TMED3: variants seen among roughly 807,000 people sequenced by gnomAD.
TMED3 encodes the protein transmembrane p24 trafficking protein 3.
In TMED3, 9 loss-of-function variants were observed where a neutral mutation model predicts 15.0. The ratio of observed to expected loss-of-function variants is 0.60; its 90% CI spans 0.36 to 1.04. The LOEUF is 1.04. Ranked by LOEUF, TMED3 falls within the 50% of genes least tolerant of loss-of-function variation. TMED3 has a pLI of 0.01. For synonymous variants in TMED3, 117 were observed against 121.4 expected, an observed-to-expected ratio of 0.96 and a Z score of 0.24; for missense variants, 267 against 278.9, an observed-to-expected ratio of 0.96 and a Z score of 0.30.
chr15:79,322,210 C>G lies in TMED3; in HGVS notation c.650C>G (p.Ser217Cys). 1.9e-6 allele frequency: 3 copies of G among 1,612,096 alleles called. No homozygotes were observed. Among genetic ancestry groups the G allele is most frequent in the Non-Finnish European group, 1.7e-6 (2 of 1,178,754 alleles). Residue 217 changes from serine (S) to cysteine (C), a missense_variant, in exon 3 of 3, where the codon TCC becomes TGC. Ser to Cys is a moderately radical substitution (Grantham distance 112). This residue lies in a region of TMED3 where 139 missense variants were observed against 125.0 expected (regional missense o/e 1.11). Transcript: ENST00000299705. The stretch of plus-strand genomic sequence containing the variant: ...CGACCCATCAGCAGGGCAGTCCACT[C>G]CTAGCCCCGGCATCCTGCTCTAGGG... ...EKRPISRAVH[S>C] is the part of the protein sequence containing the mutation.
At chr15:79,405,002 C>T (rs1595912505) in intron 2 of TMED3, among the ~76,000 whole-genome samples, 1 of 152,234 alleles carries the variant, frequency 6.6e-6, no homozygotes, top group Admixed American at 6.5e-5. Flanking sequence ...TCAAAGGTAG[C>T]AGTCTTGCAG....
chr15:79,320,469 T>A (rs985030040), intron 2 of TMED3, among the ~76,000 whole-genome samples: 2 of 152,190 alleles, frequency 1.3e-5, no homozygotes, highest in African/African-American at 4.8e-5. Flanking sequence ...GTCTCTTGCC[T>A]CGGCACCTGG....
chr15:79,318,796 G>A lies in TMED3; in HGVS notation c.418-3182G>A, dbSNP rs116586384. Among the ~76,000 whole-genome samples, 1,209 of 152,272 alleles carry A rather than the reference G, an allele frequency of 7.9e-3. 21 individuals carry two copies. The highest frequency in any genetic ancestry group is 0.028 in the African/African-American group (1,157 of 41,544). ...AGCTAGGAGGAGCAACCACAAATGCGACCATTGTCCCCAGTGCAGAGGCCT... is the reference window on the plus strand; with the variant it reads ...AGCTAGGAGGAGCAACCACAAATGCAACCATTGTCCCCAGTGCAGAGGCCT... On this transcript the variant is annotated intron_variant, in intron 2 of 2. Transcript: ENST00000299705.
chr15:79,315,916 G>A (rs1876438), intron 2 of TMED3: 150,009 of 152,408 alleles, frequency 0.98, 73,860 homozygotes, highest in Non-Finnish European at 1. Context: ...GGTCAGAGCT[G>A]TAATTGAAGC....
At chr15:79,349,529 A>G (rs2058884118) in intron 2 of TMED3, among the ~76,000 whole-genome samples, 1 of 152,224 alleles carries the variant, frequency 6.6e-6, no homozygotes, top group African/African-American at 2.4e-5. Context: ...AACAAATAAA[A>G]TTTAATTTAA....
intron 2 of TMED3, among the ~76,000 whole-genome samples, chr15:79,321,093 G>C (rs1385126838): frequency 2.0e-5 from 3 of 152,192 alleles, no homozygotes; most frequent in Non-Finnish European, 2.9e-5. Context: ...CTTCAGAACT[G>C]TCTTGACTTC....
Position 79,322,749 on chromosome 15 carries a change from ATGGTGACTGGGTGCCCT to A in TMED3, c.*542_*558del, listed in dbSNP as rs2058773470. 1.0e-6 allele frequency: 1 copy of A among 985,446 alleles called. No individual in the cohort carries two copies. The highest frequency in any genetic ancestry group is 1.2e-6 in the Non-Finnish European group (1 of 830,094). The allele number at this position is 985,446 out of a possible 1,614,324, so 61.0% of individuals were successfully genotyped here. A position where few individuals can be genotyped will look rare whatever the true frequency, so the allele number is the denominator to read the frequency against. ...GTGTCAGCCATGCAAGCAGGACAGA[ATGGTGACTGGGTGCCCT>A]TGGTGAGCTGTGTATTTCCTAGGAG... On this transcript the variant is annotated 3_prime_UTR_variant, in exon 3 of 3. Coordinates refer to ENST00000299705, the MANE Select transcript of TMED3 (RefSeq NM_007364.4).
In TMED3 at chr15:79,372,376, T is replaced by C. The variant is rs550903078; in HGVS notation, c.418-39024T>C. Among the ~76,000 whole-genome samples the C allele has an allele frequency of 2.0e-5, 3 of 152,368 alleles. No homozygotes were observed. In the East Asian group the frequency reaches 5.8e-4, roughly 29 times the overall value. On this transcript the variant is annotated intron_variant, in intron 2 of 2. Transcript: ENST00000424155. ...CTCACCTTCTCTGCAGAATTTTCTG[T>C]AATCTTCCATATCTGAGACTTCTCC...
chr15:79,398,079 G>A (rs539738429), intron 2 of TMED3, among the ~76,000 whole-genome samples: 10 of 152,128 alleles, frequency 6.6e-5, no homozygotes, highest in African/African-American at 1.7e-4. Context: ...ACATGTATCC[G>A]TCATTATAGT....
At chr15:79,358,790 G>A (rs960136323) in intron 2 of TMED3, among the ~76,000 whole-genome samples, 9 of 152,204 alleles carry the variant, frequency 5.9e-5, no homozygotes, top group East Asian at 1.9e-4. Context: ...TTTCCCTGGG[G>A]TGAAATGGCT....
intron 2 of TMED3, among the ~76,000 whole-genome samples, chr15:79,348,960 C>T (rs1025480813): frequency 2.6e-5 from 4 of 152,090 alleles, no homozygotes; most frequent in African/African-American, 9.7e-5. Context: ...CCCTCCCCCA[C>T]CCCCAGTAGA....
chr15:79,336,209 C>G (rs1180966828), intron 2 of TMED3, among the ~76,000 whole-genome samples: 1 of 152,146 alleles, frequency 6.6e-6, no homozygotes. Context: ...TCTGGTGCCA[C>G]GGAGGTGGGG....
chr15:79,331,107 T>A (rs1272616885), intron 2 of TMED3, among the ~76,000 whole-genome samples: 1 of 152,146 alleles, frequency 6.6e-6, no homozygotes, highest in African/African-American at 2.4e-5. Flanking sequence ...CACACACTTT[T>A]AAACAACCAG....
intron 2 of TMED3, among the ~76,000 whole-genome samples, chr15:79,387,491 C>T (rs1334449852): frequency 6.6e-6 from 1 of 152,122 alleles, no homozygotes; most frequent in Non-Finnish European, 1.5e-5. Flanking sequence ...AGTCCTCTCA[C>T]TTTGTCACTT....
chr15:79,324,243 G>A (rs979012377), downstream of TMED3, among the ~76,000 whole-genome samples: 6 of 152,252 alleles, frequency 3.9e-5, no homozygotes, highest in South Asian at 2.1e-4. Context: ...CGCCCGCCTC[G>A]GCCTCCCAAA....
At chr15:79,398,293 T>A (rs1164130828) in intron 2 of TMED3, among the ~76,000 whole-genome samples, 1 of 152,096 alleles carries the variant, frequency 6.6e-6, no homozygotes, top group East Asian at 1.9e-4. Flanking sequence ...CAAGATTCCT[T>A]CATGTCATTT....
At chr15:79,399,403 C>T (rs557059146) in intron 2 of TMED3, among the ~76,000 whole-genome samples, 5 of 152,090 alleles carry the variant, frequency 3.3e-5, no homozygotes, top group East Asian at 1.9e-4. Context: ...CATCCTGGGA[C>T]GAGTTGATCA....
chr15:79,352,158 T>G (rs1173126545), intron 2 of TMED3, among the ~76,000 whole-genome samples: 18 of 151,870 alleles, frequency 1.2e-4, no homozygotes, highest in Non-Finnish European at 4.4e-5. Context: ...ATATCAGAAA[T>G]CACCACTAAA....
rs1490900997 is a variant in TMED3 at position 79,311,205 on chromosome 15, G to A, written c.-45G>A. The A allele has an allele frequency of 4.5e-6, 7 of 1,547,914 alleles. No homozygotes were observed. The highest frequency in any genetic ancestry group is 3.6e-5 in the South Asian group (3 of 83,714). ...TAGTCGTCGCCCCAGCCCGCCGGGG[G>A]CGCAGCGCCCGAGCCGCGGCCCTCG... On this transcript the variant is annotated 5_prime_UTR_variant, in exon 1 of 3. Transcript: ENST00000299705.
Sources: allele counts gnomAD v4.1 joint callset (sites outside exome capture counted in the v4.1 genomes callset), GRCh38; gene constraint gnomAD v4.1.1; regional missense constraint gnomAD v4.1.1; transcripts MANE v1.5; gene names NCBI Gene and HGNC (gene_info 2026-07-23, HGNC 2026-07-21).